Variants in AR observed in about 807,000 individuals in gnomAD.
AR encodes the protein dihydrotestosterone receptor.
A neutral mutation model predicts 53.9 loss-of-function variants in AR; 8 were observed. That is an observed-to-expected ratio of 0.15 (90% CI 0.09 to 0.27). The LOEUF (loss-of-function observed/expected upper bound fraction) is 0.27, where lower values mean the gene tolerates loss of function less well. AR is among the 10% of genes least tolerant of loss of function. AR has a pLI of 1.00. For synonymous variants in AR, 359 were observed against 316.4 expected, an observed-to-expected ratio of 1.13 and a Z score of -1.43; for missense variants, 639 against 742.5, an observed-to-expected ratio of 0.86 and a Z score of 1.62.
rs1276620018 is a variant in AR at position 67,725,989 on chromosome X, A to G, written c.*2148A>G. 46 of 174,592 alleles carry G rather than the reference A, an allele frequency of 2.6e-4. No homozygotes were observed. Among genetic ancestry groups the G allele is most frequent in the Non-Finnish European group, 1.3e-4 (12 of 91,649 alleles). The allele number at this position is 174,592 out of a possible 1,213,427, so 14.4% of individuals were successfully genotyped here. ...CTCTTAATCTCATCTGTTGAACTCA[A>G]GAAATCAAGGGCCAGTCATCAAGCT... On this transcript the variant is annotated 3_prime_UTR_variant, in exon 8 of 8. Coordinates refer to ENST00000374690, the MANE Select transcript of AR (RefSeq NM_000044.6).
rs770578398 is a variant in AR, at chrX:67,604,309, C to G, written c.1617-38947C>G. 1.4e-4 allele frequency among the ~76,000 whole-genome samples: 15 copies of G among 105,189 alleles called. No individual in the cohort carries two copies. In the Admixed American group the frequency reaches 1.6e-3, roughly 11 times the overall value. The allele number at this position is 105,189 out of a possible 115,157, so 91.3% of individuals were successfully genotyped here. On this transcript the variant is annotated intron_variant, in intron 1 of 7. Transcript: ENST00000374690. Reference sequence around the variant, plus strand: ...GTTGAGGCCACTGCAGTGGGGTCTGCAAGTTGCTAGCACTCACCCGTTCCA... The same window carrying G: ...GTTGAGGCCACTGCAGTGGGGTCTGGAAGTTGCTAGCACTCACCCGTTCCA...
chrX:67,699,491 G>A (rs761227271), intron 3 of AR, among the ~76,000 whole-genome samples: 3 of 111,880 alleles, frequency 2.7e-5, no homozygotes, highest in South Asian at 7.5e-4. Context: ...CTCACTCTAC[G>A]GATGTCTTTC....
intron 1 of AR, among the ~76,000 whole-genome samples, chrX:67,557,834 G>C (rs1043305128): frequency 5.4e-5 from 6 of 112,097 alleles, no homozygotes; most frequent in African/African-American, 1.9e-4. Context: ...ATAAAACTGG[G>C]AAACTATACA....
chrX:67,640,549 G>T (rs1925697164), intron 1 of AR, among the ~76,000 whole-genome samples: 2 of 111,017 alleles, frequency 1.8e-5, no homozygotes, highest in African/African-American at 6.6e-5. Context: ...GCTTGGGAGG[G>T]TATATGCGTT....
intron 1 of AR, among the ~76,000 whole-genome samples, chrX:67,626,590 G>A (rs1322464726): frequency 3.2e-5 from 3 of 93,097 alleles, no homozygotes; most frequent in African/African-American, 7.8e-5. Flanking sequence ...ACAGGCACCC[G>A]CCACCATGCC....
intron 1 of AR, among the ~76,000 whole-genome samples, chrX:67,562,217 G>A (rs987213147): frequency 9.1e-6 from 1 of 109,651 alleles, no homozygotes; most frequent in Non-Finnish European, 1.9e-5. Flanking sequence ...GCCTGCCTCG[G>A]CCTCCCAAAT....
chrX:67,641,037 G>T (rs964107160), intron 1 of AR, among the ~76,000 whole-genome samples: 7 of 111,430 alleles, frequency 6.3e-5, no homozygotes, highest in Non-Finnish European at 1.3e-4. Context: ...ACCTAACCCT[G>T]TGCCTGGTCC....
intron 3 of AR, chrX:67,689,683 A>C: frequency 3.5e-6 from 3 of 866,481 alleles, no homozygotes; most frequent in Non-Finnish European, 4.3e-6. Flanking sequence ...TAGATGATTC[A>C]TTCCTGGCTG....
At chrX:67,553,729 A>G (rs1230865341) in intron 1 of AR, among the ~76,000 whole-genome samples, 2 of 112,285 alleles carry the variant, frequency 1.8e-5, no homozygotes, top group Admixed American at 9.4e-5. Flanking sequence ...TTTGTCAACA[A>G]TTTTTATTGT....
At chrX:67,567,151 A>G (rs377362716) in intron 1 of AR, among the ~76,000 whole-genome samples, 1 of 110,230 alleles carries the variant, frequency 9.1e-6, no homozygotes, top group Admixed American at 9.7e-5. Flanking sequence ...CTTCAACGTA[A>G]CTCTTCTCTA....
chrX:67,667,342 C>T (rs1927318959), intron 2 of AR, among the ~76,000 whole-genome samples: 1 of 111,417 alleles, frequency 9.0e-6, no homozygotes, highest in Non-Finnish European at 1.9e-5. Flanking sequence ...TTCTTGGCAC[C>T]TTTGTTGAAA....
Position 67,544,024 on chromosome X carries a change from G to A in AR, c.-1123G>A, listed in dbSNP as rs1342449370. 5.4e-5 allele frequency: 9 copies of A among 168,055 alleles called. No individual in the cohort carries two copies. The highest frequency in any genetic ancestry group is 1.0e-4 in the Non-Finnish European group (9 of 87,195). 13.8% of individuals were successfully genotyped at this position (168,055 alleles called of 1,213,427 possible). ...TTGCATTTGCTCTCCACCTCCCAGC[G>A]CCCCCTCCGAGATCCCGGGGAGCCA... On this transcript the variant is annotated 5_prime_UTR_variant, in exon 1 of 8. Transcript: ENST00000374690.
Position 67,648,138 on chromosome X carries a change from A to T in AR, c.1768+4731A>T, listed in dbSNP as rs765910554. On this transcript the variant is annotated intron_variant, in intron 2 of 7. Transcript: ENST00000374690. ...GTCAAAGTTTGAACAACTTGTTAGC[A>T]CAGAATACCTGGCCTAGTGGCTTCT... is the stretch of plus-strand genomic sequence containing the variant. 2.2e-4 allele frequency among the ~76,000 whole-genome samples: 25 copies of T among 111,373 alleles called. No individual in the cohort carries two copies. The South Asian group carries it at 9.5e-3, about 42-fold the overall frequency.
At chrX:67,556,842 CGCAAAGGGCCTGAG>C (rs200069554) in intron 1 of AR, among the ~76,000 whole-genome samples, 6,286 of 111,093 alleles carry the variant, frequency 0.057, 460 homozygotes, top group African/African-American at 0.2. Context: ...GAACCACAGG[CGCAAAGGGCCTGAG>C]GCAGGAGCAC....
intron 1 of AR, among the ~76,000 whole-genome samples, chrX:67,580,977 T>A (rs1412908720): frequency 1.8e-5 from 2 of 112,155 alleles, no homozygotes; most frequent in Non-Finnish European, 3.8e-5. Context: ...AGTTGAATAA[T>A]CTAAGCCAAG....
intron 4 of AR, among the ~76,000 whole-genome samples, chrX:67,716,425 C>T (rs1038292608): frequency 9.0e-6 from 1 of 111,694 alleles, no homozygotes; most frequent in Non-Finnish European, 1.9e-5. Flanking sequence ...GGATGAAAGG[C>T]CTGAGAAGGA....
intron 3 of AR, chrX:67,689,825 C>A (rs892381504): frequency 1.7e-5 from 10 of 578,119 alleles, no homozygotes; most frequent in Non-Finnish European, 2.2e-5. Context: ...GGCTTTCTCA[C>A]AGTCCATAGT....
Position 67,615,338 on chromosome X carries a change from A to G in AR, c.1617-27918A>G, listed in dbSNP as rs1201565852. 2.7e-5 allele frequency among the ~76,000 whole-genome samples: 3 copies of G among 111,396 alleles called. No homozygotes were observed. In the East Asian group the frequency reaches 8.4e-4, roughly 31 times the overall value. ...GAGAAAATTTTGAAATTAGCAAGAG[A>G]AAAATGAAATGGAACCACAATAAGA... On this transcript the variant is annotated intron_variant, in intron 1 of 7. Coordinates refer to ENST00000374690, the MANE Select transcript of AR (RefSeq NM_000044.6).
chrX:67,546,850 G>C, intron 1 of AR, 88 bp downstream of exon 1: 1 of 1,018,133 alleles, frequency 9.8e-7, no homozygotes, highest in Non-Finnish European at 1.3e-6. Flanking sequence ...CTACCTGCGC[G>C]AACACTCAGA....
Sources: gnomAD v4.1 joint callset for allele counts (sites outside exome capture counted in the v4.1 genomes callset) on GRCh38, gnomAD v4.1.1 for gene constraint, MANE v1.5 for transcripts, NCBI Gene and HGNC (gene_info 2026-07-23, HGNC 2026-07-21) for gene names.